The following CADPS2 variants were observed in gnomAD, a reference collection of about 807,000 sequenced individuals.
CADPS2 encodes calcium dependent secretion activator 2.
Under a neutral mutation model 172.5 loss-of-function variants are expected in CADPS2, and 93 were observed. The ratio of observed to expected loss-of-function variants is 0.54; its 90% CI spans 0.46 to 0.64. The LOEUF (loss-of-function observed/expected upper bound fraction) is 0.64. Among genes scored for constraint, CADPS2 ranks in the 30% least tolerant of loss-of-function variants. The pLI is 0.00. For synonymous variants in CADPS2, 546 were observed against 555.2 expected, an observed-to-expected ratio of 0.98 and a Z score of 0.23; for missense variants, 1,420 against 1,565.9, an observed-to-expected ratio of 0.91 and a Z score of 1.57.
chr7:122,568,392 T>C (rs768655060), intron 7 of CADPS2, among the ~76,000 whole-genome samples: 7 of 152,100 alleles, frequency 4.6e-5, no homozygotes, highest in Non-Finnish European at 1.0e-4. Flanking sequence ...ATCCCATCTA[T>C]CTATACACTG....
intron 1 of CADPS2, among the ~76,000 whole-genome samples, chr7:122,786,832 AC>A (rs1794158307): frequency 6.6e-6 from 1 of 152,112 alleles, no homozygotes; most frequent in Non-Finnish European, 1.5e-5. Flanking sequence ...CTAAATGCTC[AC>A]ACTGGAAAAA....
chr7:122,331,989 G>A (rs540316383), intron 28 of CADPS2: 29 of 152,272 alleles, frequency 1.9e-4, no homozygotes, highest in Non-Finnish European at 2.9e-4. Context: ...TAGGAAAAGT[G>A]TCATTAGCAT....
intron 7 of CADPS2, among the ~76,000 whole-genome samples, chr7:122,556,410 TA>T (rs958431446): frequency 6.6e-6 from 1 of 152,108 alleles, no homozygotes; most frequent in Non-Finnish European, 1.5e-5. Context: ...ACACCAACTT[TA>T]AAAAAATTAT....
intron 1 of CADPS2, among the ~76,000 whole-genome samples, chr7:122,874,739 C>A (rs1820760398): frequency 1.3e-5 from 2 of 152,146 alleles, no homozygotes; most frequent in African/African-American, 4.8e-5. Flanking sequence ...ACATCTACAA[C>A]CATCTGATCT....
At chr7:122,585,722 G>C (rs2069573531) in intron 6 of CADPS2, 1 of 151,836 alleles carries the variant, frequency 6.6e-6, no homozygotes, top group Admixed American at 6.6e-5. Context: ...AGAATTCCAA[G>C]GTAAATGTTC....
intron 1 of CADPS2, among the ~76,000 whole-genome samples, chr7:122,740,659 T>A (rs1257959027): frequency 6.6e-6 from 1 of 152,134 alleles, no homozygotes; most frequent in Non-Finnish European, 1.5e-5. Context: ...TTAAAAATAC[T>A]GAAATGTCAT....
Position 122,815,816 on chromosome 7 carries a change from A to G in CADPS2, c.339+70183T>C, listed in dbSNP as rs542410002. On this transcript the variant is annotated intron_variant, in intron 1 of 29. Transcript: ENST00000449022. ...CTGAAATCATTTTGCTAAAGAATTA[A>G]CCAAATTAGCAGAAAGAAAAGACAA... Among the ~76,000 whole-genome samples, 7 of 152,256 alleles carry G rather than the reference A, an allele frequency of 4.6e-5. No homozygotes were observed. The South Asian group carries it at 1.5e-3, about 32-fold the overall frequency.
At chr7:122,724,121 T>C (rs1211725848) in intron 2 of CADPS2, among the ~76,000 whole-genome samples, 2 of 151,980 alleles carry the variant, frequency 1.3e-5, no homozygotes, top group Non-Finnish European at 2.9e-5. Context: ...GACACATGTA[T>C]TCATATGTAA....
At chr7:122,551,571 G>C (rs2064301962) in intron 8 of CADPS2, among the ~76,000 whole-genome samples, 1 of 152,012 alleles carries the variant, frequency 6.6e-6, no homozygotes, top group Non-Finnish European at 1.5e-5. Context: ...TTAAAACAGA[G>C]AATAGGTTTT....
intron 17 of CADPS2, among the ~76,000 whole-genome samples, chr7:122,430,271 T>C (rs968534274): frequency 5.3e-5 from 8 of 152,206 alleles, no homozygotes; most frequent in Admixed American, 1.3e-4. Flanking sequence ...ACCAAGTCTA[T>C]GCAAAAGATC....
At chr7:122,577,694 T>G (rs1337274485) in intron 7 of CADPS2, among the ~76,000 whole-genome samples, 3 of 152,174 alleles carry the variant, frequency 2.0e-5, no homozygotes, top group African/African-American at 7.2e-5. Context: ...ATTTTTGGAT[T>G]GTATAGTAAG....
At chr7:122,736,887 C>A in intron 2 of CADPS2, 68 bp downstream of exon 2, 3 of 803,032 alleles carry the variant, frequency 3.7e-6, no homozygotes, top group South Asian at 1.6e-5. Flanking sequence ...AAATGAGAAA[C>A]CCATAAAAAT....
chr7:122,882,066 C>T (rs1293235422), intron 1 of CADPS2, among the ~76,000 whole-genome samples: 1 of 152,104 alleles, frequency 6.6e-6, no homozygotes, highest in Admixed American at 6.6e-5. Context: ...AAAGTGGCCA[C>T]TTTATAGTAG....
chr7:122,850,151 G>A (rs988466712), intron 1 of CADPS2: 17 of 1,153,460 alleles, frequency 1.5e-5, no homozygotes, highest in African/African-American at 1.1e-4. Flanking sequence ...TGAACAGGGC[G>A]TATCTGTGGC....
At chr7:122,761,853 C>T (rs1234490582) in intron 1 of CADPS2, among the ~76,000 whole-genome samples, 2 of 149,522 alleles carry the variant, frequency 1.3e-5, no homozygotes, top group Admixed American at 6.7e-5. Flanking sequence ...AAAAAATTAG[C>T]CGGGTGTGGT....
intron 1 of CADPS2, among the ~76,000 whole-genome samples, chr7:122,834,321 G>C (rs956777723): frequency 6.6e-6 from 1 of 152,228 alleles, no homozygotes; most frequent in African/African-American, 2.4e-5. Context: ...GCAGTTCCAA[G>C]ATGGCTGAAT....
intron 12 of CADPS2, among the ~76,000 whole-genome samples, chr7:122,476,526 C>A (rs114448525): frequency 0.014 from 2,153 of 152,148 alleles, 59 homozygotes; most frequent in African/African-American, 0.049. Context: ...TCAGGAAATA[C>A]AATTCCAAAC....
rs1254776431 is a variant in CADPS2 at position 122,506,728 on chromosome 7, A to T, written c.1542+6521T>A. On this transcript the variant is annotated intron_variant, in intron 9 of 29. Transcript: ENST00000449022. ...GCCAAAGGTGCTGCTAGAGTTATTT[A>T]AAAAAAAAAAAAAAACAAACAAACT... Among the ~76,000 whole-genome samples the T allele has an allele frequency of 7.5e-4, 17 of 22,656 alleles. No homozygotes were observed. In the South Asian group the frequency reaches 0.013, roughly 17 times the overall value. The allele number at this position is 22,656 out of a possible 152,430, so 14.9% of individuals were successfully genotyped here. A position where few individuals can be genotyped will look rare whatever the true frequency, so the allele number is the denominator to read the frequency against.
chr7:122,657,410 T>C (rs887154879), intron 3 of CADPS2, among the ~76,000 whole-genome samples: 2 of 152,208 alleles, frequency 1.3e-5, no homozygotes, highest in Non-Finnish European at 2.9e-5. Context: ...ATTATGGCCA[T>C]TTTCACGATA....
Sources: allele counts gnomAD v4.1 joint callset (sites outside exome capture counted in the v4.1 genomes callset), GRCh38; gene constraint gnomAD v4.1.1; transcripts MANE v1.5; gene names NCBI Gene and HGNC (gene_info 2026-07-23, HGNC 2026-07-21).